DNAJC4: variants seen among roughly 807,000 people sequenced by gnomAD.
The protein encoded by DNAJC4 is dnaJ homolog subfamily C member 4.
Under a neutral mutation model 26.8 loss-of-function variants are expected in DNAJC4, and 26 were observed. That is an observed-to-expected ratio of 0.97 (90% CI 0.71 to 1.34). The LOEUF is 1.34. DNAJC4 is among the 40% of genes most tolerant of loss of function. DNAJC4 has a pLI of 0.00. For synonymous variants in DNAJC4, 134 were observed against 127.8 expected (o/e 1.05, Z -0.33); for missense variants, 342 against 321.1 (o/e 1.07, Z -0.50).
In DNAJC4 at chr11:64,233,951, C is replaced by T; in HGVS notation, c.585C>T (p.Ala195=). ...FMDEKDRIIT[A]FYNEARARAR... ...ATGAAAAGGATCGGATCATCACAGC[C>T]TTCTACAACGAAGCCCGGGCACGGG... Residue 195 remains alanine (A), a synonymous_variant, in exon 5 of 6, where the codon GCC becomes GCT. Transcript: ENST00000628077. 6.2e-7 allele frequency: 1 copy of T among 1,614,144 alleles called. No individual in the cohort carries two copies. The highest frequency in any genetic ancestry group is 8.5e-7 in the Non-Finnish European group (1 of 1,180,032).
chr11:64,230,752 C>T lies in DNAJC4; in HGVS notation c.-103C>T, dbSNP rs1354311154. ...GCTTCAGTCTTCCTTTGCAGAACAA[C>T]GGGCCAGGCCCCTTCCCTCTGCCCC... is the stretch of plus-strand genomic sequence containing the variant. On this transcript the variant is annotated 5_prime_UTR_variant, in exon 1 of 6. The change creates a new upstream start codon in the 5' untranslated region. Coordinates refer to ENST00000628077, the MANE Select transcript of DNAJC4 (RefSeq NM_005528.4). 1.0e-5 allele frequency: 15 copies of T among 1,457,334 alleles called. No individual in the cohort carries two copies. Among genetic ancestry groups the T allele is most frequent in the Non-Finnish European group, 1.4e-5 (15 of 1,075,320 alleles). The allele number at this position is 1,457,334 out of a possible 1,614,324, so 90.3% of individuals were successfully genotyped here. A position where few individuals can be genotyped will look rare whatever the true frequency, so the allele number is the denominator to read the frequency against.
chr11:64,231,004 G>A (rs1947168428), intron 1 of DNAJC4, 64 bp downstream of exon 1: 2 of 1,525,792 alleles, frequency 1.3e-6, no homozygotes, highest in Admixed American at 2.0e-5. Flanking sequence ...TACGTGCTGA[G>A]TTAGTTGTGG....
chr11:64,232,553 G>A lies in DNAJC4; in HGVS notation c.304G>A (p.Gly102Ser), dbSNP rs899358431. 1.2e-6 allele frequency: 2 copies of A among 1,612,766 alleles called. No homozygotes were observed. The highest frequency in any genetic ancestry group is 1.3e-5 in the African/African-American group (1 of 74,978). ...RRSYDDQLRS[G>S]SPPKSPRTTV... Reference sequence around the variant, plus strand: ...CAGCTATGATGACCAGCTCCGCTCAGGTAGTCCCCCAAAGTCTCCACGAAC... The same window carrying A: ...CAGCTATGATGACCAGCTCCGCTCAAGTAGTCCCCCAAAGTCTCCACGAAC... The change falls in exon 3 of 6, where the codon GGT becomes AGT. Residue 102 changes from glycine (G) to serine (S), a missense_variant. By Grantham distance (56) the Gly-to-Ser change is moderately conservative (BLOSUM62 0). Coordinates refer to ENST00000628077, the MANE Select transcript of DNAJC4 (RefSeq NM_005528.4).
rs751823157 is a variant in DNAJC4 at position 64,234,167 on chromosome 11, C to T, written c.709C>T (p.Arg237Trp). ...AACCCAAGGCCCCGAGATCGTGCCCCGGGGCGCCGGCCCCTGAGGGGCTCA... is the reference window on the plus strand; with the variant it reads ...AACCCAAGGCCCCGAGATCGTGCCCTGGGGCGCCGGCCCCTGAGGGGCTCA... ...EPTQGPEIVP[R>W]GAGP Residue 237 changes from arginine (R) to tryptophan (W), a missense_variant, in exon 6 of 6, where the codon CGG (arginine) becomes TGG (tryptophan). Coordinates refer to ENST00000628077, the MANE Select transcript of DNAJC4 (RefSeq NM_005528.4). This position sits in a 1 kb window ranked among gnomAD's most constrained non-coding sequence, Gnocchi z 5.3. 37 of 1,571,092 alleles carry T rather than the reference C, an allele frequency of 2.4e-5. No homozygotes were observed. Among genetic ancestry groups the T allele is most frequent in the Non-Finnish European group, 3.0e-5 (35 of 1,161,330 alleles).
In DNAJC4 at chr11:64,234,033, G is replaced by A. The variant is rs771136014; in HGVS notation, c.615-40G>A. 5.9e-5 allele frequency: 96 copies of A among 1,613,816 alleles called. 1 individual carries two copies. In the South Asian group the frequency reaches 1.0e-3, roughly 17 times the overall value. On this transcript the variant is annotated intron_variant, in intron 5 of 5. Transcript: ENST00000628077. The surrounding 1 kb of genome is among the most constrained non-coding windows in gnomAD (Gnocchi z 5.3). ...GCTCCCTGTCCAGGAACCACACTTC[G>A]GGATCCCTATCCCAACCACCCAGGT...
Position 64,233,933 on chromosome 11 carries a change from G to A in DNAJC4, c.567G>A (p.Lys189=), listed in dbSNP as rs2135009736. Reference sequence around the variant, plus strand: ...TGCACCTTAACTTCATGGATGAAAAGGATCGGATCATCACAGCCTTCTACA... The same window carrying A: ...TGCACCTTAACTTCATGGATGAAAAAGATCGGATCATCACAGCCTTCTACA... ...KQMHLNFMDE[K]DRIITAFYNE... Residue 189 remains lysine, a synonymous_variant, in exon 5 of 6, where the codon AAG becomes AAA. Transcript: ENST00000628077. 3 of 1,614,090 alleles carry A rather than the reference G, an allele frequency of 1.9e-6. No individual in the cohort carries two copies. The highest frequency in any genetic ancestry group is 1.7e-6 in the Non-Finnish European group (2 of 1,180,028).
chr11:64,233,776 G>A (rs558950079), intron 4 of DNAJC4, 118 bp from the exon 5 acceptor site: 1 of 1,361,818 alleles, frequency 7.3e-7, no homozygotes, highest in African/African-American at 1.4e-5. Flanking sequence ...GTTAGACTGA[G>A]GTTCCTAACC....
At chr11:64,232,241 G>T in intron 2 of DNAJC4, 189 bp from the exon 3 acceptor site, 1 of 785,004 alleles carries the variant, frequency 1.3e-6, no homozygotes, top group Non-Finnish European at 2.0e-6. Context: ...AGGTGGGGAG[G>T]GCTTGAACAC....
At chr11:64,231,751 G>A in intron 1 of DNAJC4, 120 bp from the exon 2 acceptor site, 1 of 817,276 alleles carries the variant, frequency 1.2e-6, no homozygotes, top group African/African-American at 1.7e-5. Flanking sequence ...ATCTGTCCTG[G>A]GACCTGTTTC....
rs758153310 is a variant in DNAJC4, at chr11:64,234,098, G to A, written c.640G>A (p.Glu214Lys). 1.2e-5 allele frequency: 20 copies of A among 1,610,590 alleles called. No homozygotes were observed. The highest frequency in any genetic ancestry group is 1.6e-5 in the Non-Finnish European group (19 of 1,179,218). ...ARANRGILQQERQRLGQRQPP... is the reference protein window; with the variant it reads ...ARANRGILQQKRQRLGQRQPP... ...GGCCAACAGAGGCATCCTTCAGCAG[G>A]AGCGACAACGGCTAGGGCAGCGGCA... The change falls in exon 6 of 6, where the codon GAG (glutamate) becomes AAG (lysine). Residue 214 changes from glutamate (E) to lysine (K), a missense_variant. Coordinates refer to ENST00000628077, the MANE Select transcript of DNAJC4 (RefSeq NM_005528.4). The surrounding 1 kb of genome is among the most constrained non-coding windows in gnomAD (Gnocchi z 5.3).
chr11:64,230,561 G>T lies in DNAJC4; in HGVS notation c.-294G>T, dbSNP rs560171950. 3.4e-6 allele frequency: 2 copies of T among 593,328 alleles called. No individual in the cohort carries two copies. Among genetic ancestry groups the T allele is most frequent in the Admixed American group, 5.1e-5 (2 of 39,032 alleles). The allele number at this position is 593,328 out of a possible 1,614,324, so 36.8% of individuals were successfully genotyped here. A position where few individuals can be genotyped will look rare whatever the true frequency, so the allele number is the denominator to read the frequency against. ...CCTGGTTGTGGCCCCTCCTTCTCCC[G>T]TCCCCAAGTTCCCTGGGTGGGAACG... is the stretch of plus-strand genomic sequence containing the variant. On this transcript the variant is annotated 5_prime_UTR_variant, in exon 1 of 6. Coordinates refer to ENST00000628077, the MANE Select transcript of DNAJC4 (RefSeq NM_005528.4).
chr11:64,232,281 C>A, intron 2 of DNAJC4, 149 bp from the exon 3 acceptor site: 1 of 1,018,288 alleles, frequency 9.8e-7, no homozygotes. Flanking sequence ...TGCTCTCTGG[C>A]CTTCTGAGGA....
chr11:64,231,812 G>A (rs1316675281), intron 1 of DNAJC4, 59 bp from the exon 2 acceptor site: 5 of 1,551,998 alleles, frequency 3.2e-6, no homozygotes, highest in Non-Finnish European at 4.4e-6. Context: ...CCAGAAGGCA[G>A]GGCAGAGCTA....
chr11:64,232,492 G>A lies in DNAJC4; in HGVS notation c.243G>A (p.Glu81=). 7.4e-6 allele frequency: 12 copies of A among 1,612,330 alleles called. No homozygotes were observed. The highest frequency in any genetic ancestry group is 2.2e-5 in the East Asian group (1 of 44,824). Residue 81 remains glutamate (E), a synonymous_variant, in exon 3 of 6, where the codon GAG becomes GAA. Transcript: ENST00000628077. ...SLHSRFVELS[E]AYRVLSREQS... The stretch of plus-strand genomic sequence containing the variant: ...ACAGCCGCTTTGTGGAGCTGAGCGA[G>A]GCATACCGTGTGCTCAGCCGTGAGC...
intron 4 of DNAJC4, chr11:64,233,363 C>A (rs905084328): frequency 6.3e-6 from 1 of 158,568 alleles, no homozygotes; most frequent in Non-Finnish European, 1.4e-5. Flanking sequence ...CTCAGCCTCC[C>A]GAGTAGCTGG....
At position 64,232,883 on chromosome 11, in the gene DNAJC4, C is replaced by A; in HGVS notation, c.527+18C>A. The A allele has an allele frequency of 6.4e-7, 1 of 1,554,682 alleles. No individual in the cohort carries two copies. On this transcript the variant is annotated intron_variant, in intron 4 of 5. Transcript: ENST00000628077. ...GCCTTCAGGTGATGCCTGTTCTCCC[C>A]GGGGTGATGGGCAGAGGGCAGGAGG...
At position 64,232,962 on chromosome 11, in the gene DNAJC4, A is replaced by C. The variant is rs1947196846; in HGVS notation, c.527+97A>C. Reference sequence around the variant, plus strand: ...TCCTCCACAGCACCTCGTGGCCCGTACTCTTGTGTCTCTCAAGCTAAGAGC... The same window carrying C: ...TCCTCCACAGCACCTCGTGGCCCGTCCTCTTGTGTCTCTCAAGCTAAGAGC... On this transcript the variant is annotated intron_variant, in intron 4 of 5. Transcript: ENST00000628077. 25 of 1,370,434 alleles carry C rather than the reference A, an allele frequency of 1.8e-5. No individual in the cohort carries two copies. In the South Asian group the frequency reaches 4.0e-4, roughly 22 times the overall value. The allele number at this position is 1,370,434 out of a possible 1,614,324, so 84.9% of individuals were successfully genotyped here.
At chr11:64,230,439 T>C (rs1242659988), upstream of DNAJC4, 1 of 505,700 alleles carries the variant, frequency 2.0e-6, no homozygotes, top group South Asian at 1.6e-5. Flanking sequence ...CAGGTGGACG[T>C]GGTCTTGGCA....
chr11:64,233,549 G>C (rs1947205238), intron 4 of DNAJC4: 2 of 277,448 alleles, frequency 7.2e-6, no homozygotes, highest in Non-Finnish European at 1.4e-5. Flanking sequence ...CCACAAAGCC[G>C]ATTTTCTATA....
Sources: allele counts gnomAD v4.1 joint callset, GRCh38; gene constraint gnomAD v4.1.1; non-coding constraint Gnocchi (gnomAD v3.1); transcripts MANE v1.5; gene names NCBI Gene and HGNC (gene_info 2026-07-23, HGNC 2026-07-21).